The following COL9A1 variants were observed in gnomAD, a reference collection of about 807,000 sequenced individuals.
The protein encoded by COL9A1 is collagen type IX alpha 1 chain.
Under a neutral mutation model 142.6 loss-of-function variants are expected in COL9A1, and 104 were observed. That is an observed-to-expected ratio of 0.73 (90% CI 0.62 to 0.86). The LOEUF (loss-of-function observed/expected upper bound fraction) is 0.86, where lower values mean the gene tolerates loss of function less well. COL9A1 is among the 40% of genes least tolerant of loss of function. The pLI, the probability that COL9A1 is intolerant of heterozygous loss-of-function variation, is 0.00. For synonymous variants in COL9A1, 466 were observed against 396.0 expected (o/e 1.18, Z -2.10); for missense variants, 1,210 against 1,176.6 (o/e 1.03, Z -0.42).
At position 70,218,631 on chromosome 6, in the gene COL9A1, T is replaced by C. The variant is rs72918976; in HGVS notation, c.2582-1550A>G. Among the ~76,000 whole-genome samples, 1,097 of 152,358 alleles carry C rather than the reference T, an allele frequency of 7.2e-3. 9 individuals carry two copies. The highest frequency in any genetic ancestry group is 0.011 in the Non-Finnish European group (753 of 68,036). The stretch of plus-strand genomic sequence containing the variant: ...ATGTTCAACTACATATTTGCTTATA[T>C]TTGGTTACTCTCCTTCTTTCTCTGT... On this transcript the variant is annotated intron_variant, in intron 37 of 37. Transcript: ENST00000357250.
intron 24 of COL9A1, chr6:70,254,737 T>TA (rs1771167577): frequency 7.4e-6 from 5 of 674,892 alleles, no homozygotes; most frequent in Non-Finnish European, 1.3e-5. Context: ...TCTCTCAACT[T>TA]ACTTTCATCA....
intron 5 of COL9A1, among the ~76,000 whole-genome samples, chr6:70,286,447 A>C (rs1773454291): frequency 6.6e-6 from 1 of 152,240 alleles, no homozygotes; most frequent in Non-Finnish European, 1.5e-5. Context: ...ATGGCTATGA[A>C]ACTTGGCTCA....
At chr6:70,253,570 C>T (rs1771088817) in intron 25 of COL9A1, 141 bp from the exon 26 acceptor site, 1 of 682,348 alleles carries the variant, frequency 1.5e-6, no homozygotes, top group Non-Finnish European at 2.6e-6. Flanking sequence ...CTTCCTAGTT[C>T]CCAAATTCTG....
At chr6:70,295,902 G>A (rs1773833757) in intron 4 of COL9A1, among the ~76,000 whole-genome samples, 1 of 152,138 alleles carries the variant, frequency 6.6e-6, no homozygotes, top group African/African-American at 2.4e-5. Context: ...CAAACTAAAT[G>A]CTAATGAATT....
At chr6:70,260,528 A>G (rs911886430) in intron 20 of COL9A1, 129 bp downstream of exon 20, 9 of 762,556 alleles carry the variant, frequency 1.2e-5, no homozygotes, top group Non-Finnish European at 1.9e-5. Flanking sequence ...AGCCTGGGCA[A>G]CAAGAGTGAA....
At chr6:70,273,168 G>C (rs923029032) in intron 12 of COL9A1, among the ~76,000 whole-genome samples, 1 of 152,116 alleles carries the variant, frequency 6.6e-6, no homozygotes, top group African/African-American at 2.4e-5. Context: ...ATTTTAAAAG[G>C]CATTCCTGGA....
intron 5 of COL9A1, among the ~76,000 whole-genome samples, chr6:70,286,239 G>T (rs765587478): frequency 6.6e-6 from 1 of 152,078 alleles, no homozygotes; most frequent in African/African-American, 2.4e-5. Context: ...AATCCTCAAG[G>T]TTACAGTAAT....
At chr6:70,263,825 A>G (rs1431051412) in intron 18 of COL9A1, among the ~76,000 whole-genome samples, 2 of 151,896 alleles carry the variant, frequency 1.3e-5, no homozygotes, top group Non-Finnish European at 2.9e-5. Context: ...TTCATGGGTT[A>G]TACCTCCTGA....
intron 7 of COL9A1, among the ~76,000 whole-genome samples, chr6:70,281,770 T>C (rs541841053): frequency 2.0e-5 from 3 of 151,836 alleles, no homozygotes; most frequent in African/African-American, 4.8e-5. Context: ...AAAGGAAGGG[T>C]CTAACGCCTT....
At chr6:70,300,777 A>C (rs1774033777) in intron 2 of COL9A1, among the ~76,000 whole-genome samples, 1 of 152,188 alleles carries the variant, frequency 6.6e-6, no homozygotes, top group African/African-American at 2.4e-5. Context: ...CAGGGTCAGA[A>C]ATCTGTTTGG....
rs750301684 is a variant in COL9A1 at position 70,280,816 on chromosome 6, G to C, written c.971C>G (p.Ala324Gly). ...TCCCAGCACTCGCCTACTCACATCA[G>C]CGCCAGGTGTGCCAGGCTTGCCTGG... ...GAPGKPGTPG[A>G]DGLTGPDGSP... Residue 324 changes from alanine (A) to glycine (G), a missense_variant, in exon 10 of 38, where the codon GCT becomes GGT. Coordinates refer to ENST00000357250, the MANE Select transcript of COL9A1 (RefSeq NM_001851.6). 11 of 1,612,342 alleles carry C rather than the reference G, an allele frequency of 6.8e-6. No homozygotes were observed. The highest frequency in any genetic ancestry group is 3.3e-5 in the Admixed American group (2 of 59,862).
chr6:70,230,524 T>C (rs918833802), intron 36 of COL9A1, among the ~76,000 whole-genome samples: 7 of 152,232 alleles, frequency 4.6e-5, no homozygotes, highest in Admixed American at 3.9e-4. Context: ...ATACCTCACA[T>C]GATCAAGCTA....
At position 70,281,387 on chromosome 6, in the gene COL9A1, T is replaced by TA. The variant is rs672601329; in HGVS notation, c.876+2dup. On this transcript the variant is annotated splice_region_variant and intron_variant, in intron 8 of 37. Transcript: ENST00000357250. Reference sequence around the variant, plus strand: ...CAGAGGTGGCCTGGAGATAGAAACTTACGTCGATGCCATCGATGCCTGGAA... The same window carrying TA: ...CAGAGGTGGCCTGGAGATAGAAACTTAACGTCGATGCCATCGATGCCTGGAA... 497 of 1,610,516 alleles carry TA rather than the reference T, an allele frequency of 3.1e-4. No homozygotes were observed. The highest frequency in any genetic ancestry group is 3.9e-4 in the Non-Finnish European group (461 of 1,178,460).
chr6:70,234,961 A>C (rs1405124371), intron 33 of COL9A1, 21 bp from the exon 34 acceptor site: 4 of 1,614,070 alleles, frequency 2.5e-6, no homozygotes, highest in Non-Finnish European at 3.4e-6. Flanking sequence ...ATTGCACACT[A>C]TCAAACCAGG....
At position 70,302,004 on chromosome 6, in the gene COL9A1, G is replaced by T. The variant is rs770304055; in HGVS notation, c.85C>A (p.Pro29Thr). The T allele has an allele frequency of 8.7e-6, 14 of 1,609,708 alleles. No individual in the cohort carries two copies. The highest frequency in any genetic ancestry group is 3.4e-4 in the Middle Eastern group (2 of 5,948). ...PWASAAVKRR[P>T]RFPVNSNSNG... ...GTCTAGAAACTATGGCCCTTACTGG[G>T]GCGACGCTTGACAGCTGCAGATGCC... is the stretch of plus-strand genomic sequence containing the variant. The change falls in exon 2 of 38, where the codon CCC (proline) becomes ACC (threonine). Residue 29 changes from proline (P) to threonine (T), a missense_variant. Pro to Thr is a conservative substitution (Grantham distance 38, BLOSUM62 -1). Coordinates refer to ENST00000357250, the MANE Select transcript of COL9A1 (RefSeq NM_001851.6).
intron 5 of COL9A1, among the ~76,000 whole-genome samples, chr6:70,284,331 T>G (rs1014938326): frequency 6.6e-6 from 1 of 152,086 alleles, no homozygotes; most frequent in South Asian, 2.1e-4. Flanking sequence ...AATCTAGTCT[T>G]GGAAAAAATT....
chr6:70,247,274 T>C (rs923682201), intron 28 of COL9A1, among the ~76,000 whole-genome samples: 3 of 152,200 alleles, frequency 2.0e-5, no homozygotes, highest in Non-Finnish European at 4.4e-5. Flanking sequence ...TTTCCATAAA[T>C]ACATACAGCT....
chr6:70,264,510 G>A (rs1225679829), intron 18 of COL9A1, among the ~76,000 whole-genome samples: 1 of 152,060 alleles, frequency 6.6e-6, no homozygotes, highest in African/African-American at 2.4e-5. Context: ...TCTTGGCACA[G>A]ATAATCATCA....
intron 18 of COL9A1, among the ~76,000 whole-genome samples, chr6:70,264,600 C>T (rs1218006069): frequency 6.6e-6 from 1 of 151,896 alleles, no homozygotes; most frequent in African/African-American, 2.4e-5. Context: ...TTGATATGTC[C>T]ACTGAAATTT....
Sources: gnomAD v4.1 joint callset for allele counts (sites outside exome capture counted in the v4.1 genomes callset) on GRCh38, gnomAD v4.1.1 for gene constraint, MANE v1.5 for transcripts, NCBI Gene and HGNC (gene_info 2026-07-23, HGNC 2026-07-21) for gene names.